CLPB: variants seen among roughly 807,000 people sequenced by gnomAD.
CLPB encodes the protein ClpB family mitochondrial disaggregase.
In CLPB, 40 loss-of-function variants were observed where a neutral mutation model predicts 78.4. The observed-to-expected ratio is 0.51, with a 90% CI of 0.40 to 0.66. CLPB has a LOEUF of 0.66. CLPB is among the 30% of genes least tolerant of loss of function. The pLI is 0.00. For synonymous variants in CLPB, 333 were observed against 348.0 expected, an observed-to-expected ratio of 0.96 and a Z score of 0.48; for missense variants, 780 against 886.9, an observed-to-expected ratio of 0.88 and a Z score of 1.53.
At chr11:72,360,299 G>C (rs1219148505) in intron 4 of CLPB, among the ~76,000 whole-genome samples, 1 of 152,130 alleles carries the variant, frequency 6.6e-6, no homozygotes, top group Non-Finnish European at 1.5e-5. Flanking sequence ...GTCAAGAGGC[G>C]ATCTTACCTA....
chr11:72,323,098 TTCTA>T (rs1246585918), intron 6 of CLPB, among the ~76,000 whole-genome samples: 2 of 152,146 alleles, frequency 1.3e-5, no homozygotes, highest in Non-Finnish European at 2.9e-5. Flanking sequence ...AACAGAAACT[TTCTA>T]TCTGTTAGAA....
rs117969277 is a variant in CLPB, at chr11:72,295,967, C to A, written c.1330-319G>T. On this transcript the variant is annotated intron_variant, in intron 11 of 15. Coordinates refer to ENST00000538039, the MANE Select transcript of CLPB (RefSeq NM_001258392.3). ...AGTCACAGTTAGCCATTCATTTGTGCAACCAACACATTTTTTGGAGGCCCG... is the reference window on the plus strand; with the variant it reads ...AGTCACAGTTAGCCATTCATTTGTGAAACCAACACATTTTTTGGAGGCCCG... Among the ~76,000 whole-genome samples the A allele has an allele frequency of 4.6e-3, 704 of 152,342 alleles. 4 individuals are homozygous for A. Among genetic ancestry groups the A allele is most frequent in the Middle Eastern group, 0.041 (12 of 294 alleles).
chr11:72,433,999 C>A, intron 1 of CLPB, 73 bp downstream of exon 1: 2 of 1,536,460 alleles, frequency 1.3e-6, no homozygotes, highest in Non-Finnish European at 1.8e-6. Context: ...TAAGTACCTC[C>A]CACCCTCCTA....
intron 1 of CLPB, among the ~76,000 whole-genome samples, chr11:72,431,106 G>T (rs1856532462): frequency 6.6e-6 from 1 of 152,250 alleles, no homozygotes; most frequent in South Asian, 2.1e-4. Flanking sequence ...TAGGAGAAAA[G>T]CAACGCTAGC....
chr11:72,377,471 A>G (rs903959177), intron 4 of CLPB, among the ~76,000 whole-genome samples: 22 of 152,200 alleles, frequency 1.4e-4, no homozygotes, highest in African/African-American at 5.1e-4. Context: ...AGAGATAGTT[A>G]ATATTTTAAT....
At chr11:72,410,865 CT>C (rs2135110287) in intron 2 of CLPB, 1 of 152,320 alleles carries the variant, frequency 6.6e-6, no homozygotes, top group East Asian at 1.9e-4. Context: ...GTCAAGCTTT[CT>C]CTTTCTGCTG....
chr11:72,380,095 AAAGTT>A (rs1187939769), intron 4 of CLPB, among the ~76,000 whole-genome samples, 181 bp downstream of exon 4: 1 of 152,178 alleles, frequency 6.6e-6, no homozygotes, highest in Non-Finnish European at 1.5e-5. Flanking sequence ...GAAGTGACAT[AAAGTT>A]AGAGCCAGGG....
At chr11:72,398,389 G>A (rs530837138) in intron 3 of CLPB, among the ~76,000 whole-genome samples, 40 of 152,230 alleles carry the variant, frequency 2.6e-4, no homozygotes, top group Admixed American at 1.7e-3. Context: ...CAAGTCGCCC[G>A]AGAGCGGATA....
chr11:72,392,477 G>C (rs1180164764), intron 3 of CLPB, among the ~76,000 whole-genome samples: 1 of 152,130 alleles, frequency 6.6e-6, no homozygotes, highest in Non-Finnish European at 1.5e-5. Flanking sequence ...AGAGTAGAGA[G>C]GGCACAGAGA....
At position 72,293,403 on chromosome 11, in the gene CLPB, T is replaced by A; in HGVS notation, c.1998A>T (p.Ala666=). The change falls in exon 16 of 16, where the codon GCA becomes GCT. Residue 666 remains alanine, a synonymous_variant. Coordinates refer to ENST00000538039, the MANE Select transcript of CLPB (RefSeq NM_001258392.3). ...DSKTRRLDIR[A]PLHPEKVCNT... is the part of the protein sequence containing the mutation. ...TGCACACCTTCTCAGGGTGCAGTGG[T>A]GCCCGGATGTCCAGTCTGCGAGTCT... 1 of 1,614,160 alleles carries A rather than the reference T, an allele frequency of 6.2e-7. No individual in the cohort carries two copies. Among genetic ancestry groups the A allele is most frequent in the Non-Finnish European group, 8.5e-7 (1 of 1,180,008 alleles).
At chr11:72,345,835 G>A (rs1324425064) in intron 5 of CLPB, among the ~76,000 whole-genome samples, 3 of 152,162 alleles carry the variant, frequency 2.0e-5, no homozygotes, top group Non-Finnish European at 4.4e-5. Flanking sequence ...TATACTCTCA[G>A]CCTTGGATAG....
chr11:72,425,884 G>A (rs537165792), intron 2 of CLPB, among the ~76,000 whole-genome samples: 1 of 152,226 alleles, frequency 6.6e-6, no homozygotes, highest in African/African-American at 2.4e-5. Flanking sequence ...GTCTTTCTCA[G>A]ATCCTCCAGG....
rs140292599 is a variant in CLPB at position 72,396,605 on chromosome 11, C to G, written c.542+6361G>C. Among the ~76,000 whole-genome samples, 304 of 152,306 alleles carry G rather than the reference C, an allele frequency of 2.0e-3. 1 individual carries two copies. The highest frequency in any genetic ancestry group is 6.5e-3 in the African/African-American group (270 of 41,574). On this transcript the variant is annotated intron_variant, in intron 3 of 15. Transcript: ENST00000538039. ...CCTTGCTGGAATGAAGAATCATATA[C>G]TTTATGAATTTATACAAGTCCACTG... is the stretch of plus-strand genomic sequence containing the variant.
intron 9 of CLPB, among the ~76,000 whole-genome samples, chr11:72,305,369 A>G (rs1949728476): frequency 2.0e-5 from 3 of 152,248 alleles, no homozygotes; most frequent in Admixed American, 6.5e-5. Flanking sequence ...GGGCACTGCT[A>G]TGGTAAGTAG....
At chr11:72,307,613 C>G (rs1029951728) in intron 8 of CLPB, among the ~76,000 whole-genome samples, 4 of 152,200 alleles carry the variant, frequency 2.6e-5, no homozygotes, top group Non-Finnish European at 4.4e-5. Context: ...GCTCACTGCC[C>G]TGCATCCCTC....
At position 72,403,200 on chromosome 11, in the gene CLPB, CAACAAA is replaced by C. The variant is rs530646441; in HGVS notation, c.456-154_456-149del. ...ACAACCATAGAAGAAATGACATAGT[CAACAAA>C]CAGAGCCTGAATGAGTCAGGAAATA... On this transcript the variant is annotated intron_variant, in intron 2 of 15. Coordinates refer to ENST00000538039, the MANE Select transcript of CLPB (RefSeq NM_001258392.3). The C allele has an allele frequency of 3.3e-3, 2,620 of 792,318 alleles. 7 individuals are homozygous for C. The highest frequency in any genetic ancestry group is 3.8e-3 in the Middle Eastern group (10 of 2,642). The allele number at this position is 792,318 out of a possible 1,614,324, so 49.1% of individuals were successfully genotyped here.
At chr11:72,415,433 G>A (rs908425547) in intron 2 of CLPB, among the ~76,000 whole-genome samples, 7 of 152,160 alleles carry the variant, frequency 4.6e-5, no homozygotes, top group Non-Finnish European at 1.0e-4. Context: ...TACTTGAGGG[G>A]TGAAGATACT....
chr11:72,394,139 G>A (rs1195485423), intron 3 of CLPB, among the ~76,000 whole-genome samples: 1 of 152,138 alleles, frequency 6.6e-6, no homozygotes, highest in Non-Finnish European at 1.5e-5. Context: ...GATGTCATTA[G>A]AGACATCCAA....
intron 11 of CLPB, among the ~76,000 whole-genome samples, chr11:72,297,171 C>A (rs553247038): frequency 6.6e-6 from 1 of 152,348 alleles, no homozygotes; most frequent in African/African-American, 2.4e-5. Flanking sequence ...TCCCGCCAAG[C>A]CAGAAACCGT....
Sources: allele counts gnomAD v4.1 joint callset (sites outside exome capture counted in the v4.1 genomes callset), GRCh38; gene constraint gnomAD v4.1.1; transcripts MANE v1.5; gene names NCBI Gene and HGNC (gene_info 2026-07-23, HGNC 2026-07-21).